Variants in ZBTB45 observed in about 807,000 individuals in gnomAD.
ZBTB45 encodes the protein zinc finger and BTB domain-containing protein 45.
Under a neutral mutation model 28.4 loss-of-function variants are expected in ZBTB45, and 22 were observed. The observed-to-expected ratio is 0.77, with a 90% confidence interval of 0.55 to 1.10. The LOEUF is 1.10. Among genes scored for constraint, ZBTB45 ranks in the 50% least tolerant of loss-of-function variants. ZBTB45 has a pLI of 0.00. For synonymous variants in ZBTB45, 361 were observed against 332.3 expected (o/e 1.09, Z -0.94); for missense variants, 656 against 750.2 (o/e 0.87, Z 1.47).
Position 58,513,709 on chromosome 19 carries a change from G to A in ZBTB45, c.*345C>T, listed in dbSNP as rs959360585. 29 of 251,242 alleles carry A rather than the reference G, an allele frequency of 1.2e-4. No homozygotes were observed. The Middle Eastern group carries it at 4.7e-3, about 41-fold the overall frequency. The allele number at this position is 251,242 out of a possible 1,614,324, so 15.6% of individuals were successfully genotyped here. ...CCTGGGGCAGGCAAGCGGCCCCCCAGCCCCCACCACCACCCCAGGAGAGGG... is the reference window on the plus strand; with the variant it reads ...CCTGGGGCAGGCAAGCGGCCCCCCAACCCCCACCACCACCCCAGGAGAGGG... On this transcript the variant is annotated 3_prime_UTR_variant, in exon 3 of 3. Transcript: ENST00000594051.
Position 58,517,168 on chromosome 19 carries a change from T to A in ZBTB45, c.506A>T (p.His169Leu). The change falls in exon 2 of 3, where the codon CAC becomes CTC. Residue 169 changes from histidine (H) to leucine (L), a missense_variant. His to Leu is a moderately conservative substitution (Grantham distance 99). This residue lies in a region of ZBTB45 where 448 missense variants were observed against 444.3 expected (regional missense o/e 1.01). Coordinates refer to ENST00000594051, the MANE Select transcript of ZBTB45 (RefSeq NM_001316979.2). ...CGCGGGCTGGCGCTGCTTACGGCTG[T>A]GTGCAGCACCGGGGTGCCCCGGGGG... ...ARPPGHPGAAHSRKQRQPARL... is the reference protein window; with the variant it reads ...ARPPGHPGAALSRKQRQPARL... 6.2e-7 allele frequency: 1 copy of A among 1,609,910 alleles called. No individual in the cohort carries two copies. Among genetic ancestry groups the A allele is most frequent in the Non-Finnish European group, 8.5e-7 (1 of 1,178,348 alleles).
intron 1 of ZBTB45, among the ~76,000 whole-genome samples, chr19:58,536,637 C>A (rs1036649898): frequency 1.3e-5 from 2 of 151,760 alleles, no homozygotes; most frequent in Non-Finnish European, 2.9e-5. Context: ...AACGAGACTC[C>A]ATCTCAAAAA....
At position 58,516,484 on chromosome 19, in the gene ZBTB45, C is replaced by T; in HGVS notation, c.1190G>A (p.Gly397Asp). ...APSGTPARTP[G>D]AEPPTYECSH... ...GCACTCATACGTAGGTGGCTCAGCA[C>T]CTGGGGTGCGAGCAGGGGTGCCTGA... The change falls in exon 2 of 3, where the codon GGT (glycine) becomes GAT (aspartate). Residue 397 changes from glycine to aspartate, a missense_variant. Coordinates refer to ENST00000594051, the MANE Select transcript of ZBTB45 (RefSeq NM_001316979.2). This position sits in a 1 kb window ranked among gnomAD's most constrained non-coding sequence, Gnocchi z 6.2. 1 of 1,613,894 alleles carries T rather than the reference C, an allele frequency of 6.2e-7. No individual in the cohort carries two copies. Among genetic ancestry groups the T allele is most frequent in the Non-Finnish European group, 8.5e-7 (1 of 1,179,856 alleles).
chr19:58,517,842 C>T (rs1253849403), intron 1 of ZBTB45, among the ~76,000 whole-genome samples, 169 bp from the exon 2 acceptor site: 1 of 151,858 alleles, frequency 6.6e-6, no homozygotes, highest in Non-Finnish European at 1.5e-5. Flanking sequence ...ATTCCCAACA[C>T]AGGACACTCC....
Position 58,516,287 on chromosome 19 carries a change from C to T in ZBTB45, c.1279+108G>A. 3 of 1,414,550 alleles carry T rather than the reference C, an allele frequency of 2.1e-6. No individual in the cohort carries two copies. The highest frequency in any genetic ancestry group is 2.1e-5 in the Admixed American group (1 of 46,916). The allele number at this position is 1,414,550 out of a possible 1,614,324, so 87.6% of individuals were successfully genotyped here. A position where few individuals can be genotyped will look rare whatever the true frequency, so the allele number is the denominator to read the frequency against. On this transcript the variant is annotated intron_variant, in intron 2 of 2. Transcript: ENST00000594051. This position sits in a 1 kb window ranked among gnomAD's most constrained non-coding sequence, Gnocchi z 6.2. The stretch of plus-strand genomic sequence containing the variant: ...GCTCAATTTCTAGGCCCCCTGCTAA[C>T]CAAAAGTAACAGAACAGTGCCAGTG...
At chr19:58,530,209 GCACA>G (rs111340524) in intron 1 of ZBTB45, among the ~76,000 whole-genome samples, 241 of 148,610 alleles carry the variant, frequency 1.6e-3, no homozygotes, top group African/African-American at 4.8e-3. Context: ...GAGAGCGCAT[GCACA>G]CACACACACA....
chr19:58,525,761 G>A (rs752455363), intron 1 of ZBTB45, among the ~76,000 whole-genome samples: 9 of 152,202 alleles, frequency 5.9e-5, no homozygotes, highest in Non-Finnish European at 1.0e-4. Flanking sequence ...GCTTTCATAT[G>A]TAAAATACAA....
At chr19:58,518,584 G>A (rs2053545340) in intron 1 of ZBTB45, among the ~76,000 whole-genome samples, 1 of 152,056 alleles carries the variant, frequency 6.6e-6, no homozygotes, top group Non-Finnish European at 1.5e-5. Flanking sequence ...GAGTAATCGG[G>A]GACACGGCCC....
In ZBTB45 at chr19:58,517,123, G is replaced by A. The variant is rs762841554; in HGVS notation, c.551C>T (p.Pro184Leu). The A allele has an allele frequency of 8.7e-6, 14 of 1,612,702 alleles. No individual in the cohort carries two copies. In the Admixed American group the frequency reaches 2.0e-4, roughly 23 times the overall value. The change falls in exon 2 of 3, where the codon CCC becomes CTC. Residue 184 changes from proline to leucine, a missense_variant. Around this residue, in one of 3 missense-constraint regions of ZBTB45, gnomAD observed 448 missense variants for 444.3 expected, o/e 1.01. Transcript: ENST00000594051. ...RQPARLQLPA[P>L]PTPAKAEGPD... ...CCCCTCAGCCTTGGCAGGTGTTGGG[G>A]GCGCTGGCAGCTGCAAACGCGCGGG... is the stretch of plus-strand genomic sequence containing the variant.
intron 1 of ZBTB45, among the ~76,000 whole-genome samples, chr19:58,518,293 G>A (rs960098705): frequency 5.3e-5 from 8 of 152,296 alleles, no homozygotes; most frequent in African/African-American, 1.4e-4. Context: ...AGAGGCTCTC[G>A]CAGGAGTGGG....
chr19:58,537,940 C>G (rs144151229), intron 1 of ZBTB45, among the ~76,000 whole-genome samples: 118 of 151,900 alleles, frequency 7.8e-4, no homozygotes, highest in Non-Finnish European at 1.4e-3. Context: ...CAGGTTCAAG[C>G]GATTCTCCTG....
intron 1 of ZBTB45, among the ~76,000 whole-genome samples, chr19:58,534,556 ATTTT>A (rs199647138): frequency 3.2e-5 from 4 of 124,540 alleles, no homozygotes; most frequent in Admixed American, 2.5e-4. Context: ...CGCCCAGCTA[ATTTT>A]TTTTTTTTTT....
chr19:58,513,849 G>T lies in ZBTB45; in HGVS notation c.*205C>A. 1 of 582,644 alleles carries T rather than the reference G, an allele frequency of 1.7e-6. No individual in the cohort carries two copies. Among genetic ancestry groups the T allele is most frequent in the Non-Finnish European group, 2.6e-6 (1 of 381,710 alleles). The allele number at this position is 582,644 out of a possible 1,614,324, so 36.1% of individuals were successfully genotyped here. A position where few individuals can be genotyped will look rare whatever the true frequency, so the allele number is the denominator to read the frequency against. ...TCTAACCAGCCCCAGCCCCAGCCCGGCACCACCTGGAGGGTTCAAGTACAT... is the reference window on the plus strand; with the variant it reads ...TCTAACCAGCCCCAGCCCCAGCCCGTCACCACCTGGAGGGTTCAAGTACAT... On this transcript the variant is annotated 3_prime_UTR_variant, in exon 3 of 3. Transcript: ENST00000594051.
upstream of ZBTB45, among the ~76,000 whole-genome samples, chr19:58,521,366 CAAAAAAA>C (rs1180915172): frequency 1.1e-5 from 1 of 93,834 alleles, no homozygotes; most frequent in African/African-American, 4.4e-5. Flanking sequence ...CACTCAGTCT[CAAAAAAA>C]AAAAAAAAAA....
intron 1 of ZBTB45, among the ~76,000 whole-genome samples, chr19:58,525,482 T>C (rs1411583362): frequency 6.6e-6 from 1 of 152,008 alleles, no homozygotes; most frequent in Non-Finnish European, 1.5e-5. Flanking sequence ...AGAGAAGACA[T>C]GGGAGCCGTG....
Position 58,516,882 on chromosome 19 carries a change from G to A in ZBTB45, c.792C>T (p.Asp264=), listed in dbSNP as rs2053507701. The change falls in exon 2 of 3, where the codon GAC becomes GAT. Residue 264 remains aspartate, a synonymous_variant. Transcript: ENST00000594051. The surrounding 1 kb of genome is among the most constrained non-coding windows in gnomAD (Gnocchi z 6.2). ...GAAAATCTCTCCCGGCACCACTGTA[G>A]TCAGCGAGGCCAGTGGGTGCAGGGG... ...EEPPAPTGLA[D]YSGAGRDFLR... is the part of the protein sequence containing the mutation. The A allele has an allele frequency of 6.2e-7, 1 of 1,613,280 alleles. No individual in the cohort carries two copies. The highest frequency in any genetic ancestry group is 1.3e-5 in the African/African-American group (1 of 74,918).
intron 1 of ZBTB45, among the ~76,000 whole-genome samples, chr19:58,537,991 C>T (rs566761554): frequency 5.9e-5 from 9 of 152,188 alleles, no homozygotes; most frequent in East Asian, 1.9e-4. Context: ...GCCCGTGCCA[C>T]CACGCCCGGC....
chr19:58,516,441 C>A lies in ZBTB45; in HGVS notation c.1233G>T (p.Thr411=). ...PTYECSHCRK[T]FSSRKNYTKH... Reference sequence around the variant, plus strand: ...TGGTGTAGTTTTTCCGGGAGCTGAACGTCTTGCGACAGTGGCTGCACTCAT... The same window carrying A: ...TGGTGTAGTTTTTCCGGGAGCTGAAAGTCTTGCGACAGTGGCTGCACTCAT... The change falls in exon 2 of 3, where the codon ACG becomes ACT. Residue 411 remains threonine (T), a synonymous_variant. Coordinates refer to ENST00000594051, the MANE Select transcript of ZBTB45 (RefSeq NM_001316979.2). This position sits in a 1 kb window ranked among gnomAD's most constrained non-coding sequence, Gnocchi z 6.2. The A allele has an allele frequency of 1.2e-6, 2 of 1,614,016 alleles. No individual in the cohort carries two copies. The highest frequency in any genetic ancestry group is 1.7e-6 in the Non-Finnish European group (2 of 1,179,888).
rs370736163 is a variant in ZBTB45 at position 58,517,680 on chromosome 19, A to G, written c.1-7T>C. 8.9e-4 allele frequency: 1,436 copies of G among 1,610,970 alleles called. 21 individuals carry two copies. In the South Asian group the frequency reaches 0.013, roughly 14 times the overall value. ...CAGCCTCTGCAGCCGCCATCTGCAC[A>G]GAACAAGAGGAGGGCAGGGAGAGGT... On this transcript the variant is annotated splice_polypyrimidine_tract_variant and splice_region_variant and intron_variant, in intron 1 of 2. Coordinates refer to ENST00000594051, the MANE Select transcript of ZBTB45 (RefSeq NM_001316979.2).
Sources: allele counts gnomAD v4.1 joint callset (sites outside exome capture counted in the v4.1 genomes callset), GRCh38; gene constraint gnomAD v4.1.1; regional missense constraint gnomAD v4.1.1; non-coding constraint Gnocchi (gnomAD v3.1); transcripts MANE v1.5; gene names NCBI Gene and HGNC (gene_info 2026-07-23, HGNC 2026-07-21).